GNL3L: variants seen among roughly 807,000 people sequenced by gnomAD.
The protein encoded by GNL3L is G protein nucleolar 3 like, also known as guanine nucleotide-binding protein-like 3-like protein.
GNL3L carries 4 observed loss-of-function variants against 42.9 expected under a neutral mutation model. The observed-to-expected ratio is 0.09, with a 90% confidence interval of 0.05 to 0.21. The LOEUF (loss-of-function observed/expected upper bound fraction) is 0.21, where lower values mean the gene tolerates loss of function less well. Ranked by LOEUF, GNL3L falls within the 10% of genes least tolerant of loss-of-function variation. The probability of loss-of-function intolerance (pLI) is 1.00; values close to 1 mark genes in which losing one functional copy is unlikely to be tolerated. For synonymous variants in GNL3L, 159 were observed against 176.3 expected, an observed-to-expected ratio of 0.90 and a Z score of 0.78; for missense variants, 412 against 481.7, an observed-to-expected ratio of 0.86 and a Z score of 1.36.
At chrX:54,590,173 T>C (rs1459935680) in intron 16 of GNL3L, among the ~76,000 whole-genome samples, 2 of 111,318 alleles carry the variant, frequency 1.8e-5, no homozygotes, top group Non-Finnish European at 3.8e-5. Context: ...CTCCTGACTT[T>C]GTGATCCGCC....
intron 16 of GNL3L, among the ~76,000 whole-genome samples, chrX:54,572,463 C>G (rs1454230488): frequency 2.7e-5 from 3 of 111,979 alleles, no homozygotes; most frequent in Non-Finnish European, 5.7e-5. Context: ...CCTTTCCCCC[C>G]TTTCTATTCC....
chrX:54,543,369 A>G lies in GNL3L; in HGVS notation c.526+27A>G, dbSNP rs549771506. The stretch of plus-strand genomic sequence containing the variant: ...TGGGTGTTAGGCAGGATTGGGTGTG[A>G]CAGGGAAGGTGGGCAGGCCATCTTT... On this transcript the variant is annotated intron_variant, in intron 7 of 15. Coordinates refer to ENST00000360845, the MANE Select transcript of GNL3L (RefSeq NM_001184819.2). 6 of 1,203,582 alleles carry G rather than the reference A, an allele frequency of 5.0e-6. No individual in the cohort carries two copies. The South Asian group carries it at 8.8e-5, about 18-fold the overall frequency.
chrX:54,578,199 G>T (rs890782985), intron 16 of GNL3L, among the ~76,000 whole-genome samples: 2 of 111,762 alleles, frequency 1.8e-5, no homozygotes, highest in African/African-American at 3.3e-5. Context: ...TATCATTTTT[G>T]TGTGTGTGTA....
the GNL3L span, among the ~76,000 whole-genome samples, chrX:54,629,985 G>A: frequency 2.2e-3 from 245 of 111,430 alleles, no homozygotes; most frequent in Non-Finnish European, 3.3e-3. Context: ...TAATCTAGAA[G>A]GGTTGTATGT....
At chrX:54,609,169 T>G (rs1926134963) in intron 16 of GNL3L, among the ~76,000 whole-genome samples, 1 of 112,583 alleles carries the variant, frequency 8.9e-6, no homozygotes, top group African/African-American at 3.2e-5. Flanking sequence ...GAGAATTGTC[T>G]ATTCATGTCC....
downstream of GNL3L, among the ~76,000 whole-genome samples, chrX:54,624,685 C>T (rs2084217228): frequency 1.8e-5 from 2 of 109,924 alleles, 1 homozygote; most frequent in Admixed American, 1.9e-4. Flanking sequence ...AGGTGATCCG[C>T]CTGCCTCGGC....
rs186594187 is a variant in GNL3L, at chrX:54,549,937, T to A, written c.776-1026T>A. Among the ~76,000 whole-genome samples, 8 of 109,281 alleles carry A rather than the reference T, an allele frequency of 7.3e-5. No homozygotes were observed. In the East Asian group the frequency reaches 2.3e-3, roughly 32 times the overall value. The allele number at this position is 109,281 out of a possible 115,157, so 94.9% of individuals were successfully genotyped here. ...TGAGACACATACAGAGAGGCATCCA[T>A]GAAGTGACCAGCCCACAGAGATGAG... On this transcript the variant is annotated intron_variant, in intron 9 of 15. Transcript: ENST00000360845.
In GNL3L at chrX:54,550,205, CGAGA is replaced by C. The variant is rs58576849; in HGVS notation, c.776-731_776-728del. ...TGGTGATACTGAGAATGGGAATGAC[CGAGA>C]GAGAGAGAGAGAGAGAGAGAGAGAG... On this transcript the variant is annotated intron_variant, in intron 9 of 15. Coordinates refer to ENST00000360845, the MANE Select transcript of GNL3L (RefSeq NM_001184819.2). Among the ~76,000 whole-genome samples, 352 of 91,080 alleles carry C rather than the reference CGAGA, an allele frequency of 3.9e-3. 2 individuals are homozygous for C. Among genetic ancestry groups the C allele is most frequent in the African/African-American group, 0.013 (314 of 24,361 alleles). 79.1% of individuals were successfully genotyped at this position (91,080 alleles called of 115,157 possible).
intron 16 of GNL3L, among the ~76,000 whole-genome samples, chrX:54,607,821 ATTGT>A (rs1329166097): frequency 4.5e-5 from 5 of 111,780 alleles, no homozygotes; most frequent in South Asian, 3.7e-4. Flanking sequence ...CTATTGTAAC[ATTGT>A]TTGTAATAGC....
At position 54,535,028 on chromosome X, in the gene GNL3L, C is replaced by T. The variant is rs772655704; in HGVS notation, c.19+2443C>T. ...AAGAAAGGAGACTGGTGGTCTGTTTCGTGTTTATTTAAACTGTGTTTATTT... is the reference window on the plus strand; with the variant it reads ...AAGAAAGGAGACTGGTGGTCTGTTTTGTGTTTATTTAAACTGTGTTTATTT... On this transcript the variant is annotated intron_variant, in intron 2 of 15. Coordinates refer to ENST00000360845, the MANE Select transcript of GNL3L (RefSeq NM_001184819.2). 8.9e-5 allele frequency among the ~76,000 whole-genome samples: 10 copies of T among 111,861 alleles called. No homozygotes were observed. In the South Asian group the frequency reaches 3.7e-3, roughly 41 times the overall value.
chrX:54,567,965 A>C (rs1459740964), downstream of GNL3L, among the ~76,000 whole-genome samples: 4 of 100,449 alleles, frequency 4.0e-5, no homozygotes, highest in Non-Finnish European at 7.9e-5. Flanking sequence ...ATGATGTATT[A>C]TTCTTTTTTT....
the GNL3L span, among the ~76,000 whole-genome samples, chrX:54,630,568 G>A: frequency 3.7e-5 from 4 of 109,512 alleles, no homozygotes; most frequent in Non-Finnish European, 7.6e-5. Flanking sequence ...GGTTTTGAGG[G>A]TTCTTTTTGG....
At chrX:54,532,847 C>T (rs752657945) in intron 2 of GNL3L, among the ~76,000 whole-genome samples, 3 of 110,794 alleles carry the variant, frequency 2.7e-5, no homozygotes, top group South Asian at 3.8e-4. Context: ...TTAGTAGAGA[C>T]GGAGTTTCAC....
In GNL3L at chrX:54,594,554, T is replaced by TAAAAAA. The variant is rs556879366; in HGVS notation, c.*46-26287_*46-26282dup. On this transcript the variant is annotated intron_variant, in intron 16 of 16. Coordinates refer to the GNL3L transcript ENST00000674498. Reference sequence around the variant, plus strand: ...AGATCATTGGGCCTTTTTTTTTTTTTAAAAAAAAATCTATTCAGCCACTCT... The same window carrying TAAAAAA: ...AGATCATTGGGCCTTTTTTTTTTTTTAAAAAAAAAAAAAAATCTATTCAGCCACTCT... Among the ~76,000 whole-genome samples the TAAAAAA allele has an allele frequency of 3.2e-3, 334 of 104,857 alleles. 2 individuals are homozygous for TAAAAAA. Among genetic ancestry groups the TAAAAAA allele is most frequent in the African/African-American group, 0.011 (311 of 28,212 alleles). The allele number at this position is 104,857 out of a possible 115,157, so 91.1% of individuals were successfully genotyped here. A position where few individuals can be genotyped will look rare whatever the true frequency, so the allele number is the denominator to read the frequency against.
rs747825851 is a variant in GNL3L at position 54,564,644 on chromosome X, G to C, written c.*4042G>C. Reference sequence around the variant, plus strand: ...GCTGGTCTCGAACTCCTGACCTCATGATCCTCCTGCCTCAGCCTCCCAAAG... The same window carrying C: ...GCTGGTCTCGAACTCCTGACCTCATCATCCTCCTGCCTCAGCCTCCCAAAG... On this transcript the variant is annotated 3_prime_UTR_variant, in exon 16 of 16. Coordinates refer to ENST00000360845, the MANE Select transcript of GNL3L (RefSeq NM_001184819.2). Among the ~76,000 whole-genome samples the C allele has an allele frequency of 4.7e-5, 5 of 106,339 alleles. No individual in the cohort carries two copies. In the East Asian group the frequency reaches 1.2e-3, roughly 25 times the overall value. The allele number at this position is 106,339 out of a possible 115,157, so 92.3% of individuals were successfully genotyped here. A position where few individuals can be genotyped will look rare whatever the true frequency, so the allele number is the denominator to read the frequency against.
intron 16 of GNL3L, among the ~76,000 whole-genome samples, chrX:54,598,213 C>G (rs1457328375): frequency 7.2e-5 from 8 of 111,258 alleles, no homozygotes; most frequent in Admixed American, 9.6e-5. Flanking sequence ...CCTCTGTTTT[C>G]TTTTTCTCTG....
intron 16 of GNL3L, among the ~76,000 whole-genome samples, chrX:54,584,680 A>G (rs1342929145): frequency 8.9e-6 from 1 of 112,951 alleles, no homozygotes; most frequent in African/African-American, 3.2e-5. Context: ...ATACTGATTG[A>G]ATTTCCTTTG....
the GNL3L span, among the ~76,000 whole-genome samples, chrX:54,632,388 C>T: frequency 9.1e-6 from 1 of 109,491 alleles, no homozygotes; most frequent in Admixed American, 9.7e-5. Context: ...GATTTCTCTT[C>T]TTCCTCAGGA....
At chrX:54,644,745 A>G in the GNL3L span, among the ~76,000 whole-genome samples, 1,218 of 111,981 alleles carry the variant, frequency 0.011, 9 homozygotes, top group Middle Eastern at 0.032. Context: ...CTGTTTTCAC[A>G]TACTTATTCT....
Sources: gnomAD v4.1 joint callset for allele counts (sites outside exome capture counted in the v4.1 genomes callset) on GRCh38, gnomAD v4.1.1 for gene constraint, MANE v1.5 for transcripts, NCBI Gene and HGNC (gene_info 2026-07-23, HGNC 2026-07-21) for gene names.